Variants in TBCK observed in about 807,000 individuals in gnomAD.
TBCK encodes the protein TBC domain-containing protein kinase-like protein.
A neutral mutation model predicts 113.4 loss-of-function variants in TBCK; 99 were observed. The ratio of observed to expected loss-of-function variants is 0.87; its 90% CI spans 0.74 to 1.03. TBCK has a LOEUF of 1.03. Ranked by LOEUF, TBCK falls within the 50% of genes least tolerant of loss-of-function variation. The probability of loss-of-function intolerance (pLI) is 0.00; values close to 1 mark genes in which losing one functional copy is unlikely to be tolerated. For missense variants in TBCK, 1,045 were observed against 1,061.3 expected (o/e 0.98, Z 0.21); for synonymous variants, 369 against 370.8 (o/e 1.00, Z 0.05).
At chr4:106,074,243 G>A (rs527476383) in intron 25 of TBCK, among the ~76,000 whole-genome samples, 6 of 152,200 alleles carry the variant, frequency 3.9e-5, no homozygotes, top group Admixed American at 3.9e-4. Flanking sequence ...AGCCATCTTG[G>A]AACAGACCTC....
intron 22 of TBCK, among the ~76,000 whole-genome samples, chr4:106,175,001 C>A (rs1196985880): frequency 3.3e-5 from 5 of 151,818 alleles, no homozygotes; most frequent in African/African-American, 1.2e-4. Context: ...GTGGAGTGCA[C>A]CTGTAACCCC....
rs571819506 is a variant in TBCK at position 106,231,685 on chromosome 4, A to G, written c.1690+44T>C. 10 of 1,542,710 alleles carry G rather than the reference A, an allele frequency of 6.5e-6. No homozygotes were observed. In the South Asian group the frequency reaches 1.2e-4, roughly 18 times the overall value. ...CTTTCATGTGTGAATCAAATATTTT[A>G]GAATATTATGCGCAATGATTATTTA... On this transcript the variant is annotated intron_variant, in intron 18 of 25. Transcript: ENST00000394708.
chr4:106,273,971 C>T (rs981051703), intron 3 of TBCK, among the ~76,000 whole-genome samples: 1 of 152,230 alleles, frequency 6.6e-6, no homozygotes, highest in Non-Finnish European at 1.5e-5. Context: ...AAGCTAGAGG[C>T]TTTCAAGTGT....
At chr4:106,206,357 T>C (rs1438988950) in intron 20 of TBCK, among the ~76,000 whole-genome samples, 1 of 152,234 alleles carries the variant, frequency 6.6e-6, no homozygotes. Flanking sequence ...ATACTATTAA[T>C]AGCCACTTTG....
intron 24 of TBCK, among the ~76,000 whole-genome samples, chr4:106,105,046 A>G (rs1213625537): frequency 6.6e-6 from 1 of 152,244 alleles, no homozygotes. Context: ...CCCAGAGCCT[A>G]CAGGGGCAAA....
intron 2 of TBCK, among the ~76,000 whole-genome samples, chr4:106,306,681 A>G (rs1425539670): frequency 6.6e-6 from 1 of 152,156 alleles, no homozygotes; most frequent in Non-Finnish European, 1.5e-5. Flanking sequence ...AGGTTCCTAA[A>G]TAAATCTTCA....
rs536969885 is a variant in TBCK, at chr4:106,309,305, C to CTTT, written c.-29-319_-29-317dup. On this transcript the variant is annotated intron_variant, in intron 1 of 25. Transcript: ENST00000394708. ...TTCATATTATTAATAAGGCTCTTCT[C>CTTT]TTTTTTTTTTTTTTTTTTTTTTTTT... Among the ~76,000 whole-genome samples, 64 of 103,164 alleles carry CTTT rather than the reference C, an allele frequency of 6.2e-4. 1 individual carries two copies. Among genetic ancestry groups the CTTT allele is most frequent in the East Asian group, 1.3e-3 (4 of 3,050 alleles). 67.7% of individuals were successfully genotyped at this position (103,164 alleles called of 152,430 possible).
intron 3 of TBCK, among the ~76,000 whole-genome samples, chr4:106,277,278 G>A (rs1764134683): frequency 6.6e-6 from 1 of 152,016 alleles, no homozygotes; most frequent in African/African-American, 2.4e-5. Flanking sequence ...GTCTAATGGT[G>A]TTTCTATAAA....
chr4:106,203,524 T>C (rs575709358), intron 20 of TBCK, among the ~76,000 whole-genome samples: 14 of 151,884 alleles, frequency 9.2e-5, no homozygotes, highest in African/African-American at 2.4e-4. Flanking sequence ...TTATATCTTT[T>C]ACAGGTCATG....
intron 23 of TBCK, among the ~76,000 whole-genome samples, chr4:106,148,670 G>C (rs999667321): frequency 6.6e-6 from 1 of 152,162 alleles, no homozygotes; most frequent in Non-Finnish European, 1.5e-5. Context: ...CTGTAAACAG[G>C]TGTGCTGTCA....
chr4:106,230,665 C>T (rs1401943636), intron 18 of TBCK, among the ~76,000 whole-genome samples: 1 of 151,850 alleles, frequency 6.6e-6, no homozygotes, highest in Non-Finnish European at 1.5e-5. Flanking sequence ...TCTATAACTT[C>T]AATTTCAAAC....
At chr4:106,261,126 A>G (rs189336089) in intron 4 of TBCK, among the ~76,000 whole-genome samples, 47 of 152,234 alleles carry the variant, frequency 3.1e-4, no homozygotes, top group Non-Finnish European at 5.9e-4. Context: ...AAGGCTTTAA[A>G]ATATTAAGTT....
Position 106,248,251 on chromosome 4 carries a change from G to C in TBCK, c.776C>G (p.Ser259Cys). Residue 259 changes from serine (S) to cysteine (C), a missense_variant, in exon 9 of 26, where the codon TCT (serine) becomes TGT (cysteine). Physicochemically the swap from Ser to Cys is moderately radical, Grantham distance 112 (BLOSUM62 -1). Transcript: ENST00000394708. ...LLNKCLTFHP[S>C]KRPTPDQLMK... Reference sequence around the variant, plus strand: ...ATCTCTAAATAATATCAACCTCTTAGAAGGATGGAAGGTAAGGCACTTATT... The same window carrying C: ...ATCTCTAAATAATATCAACCTCTTACAAGGATGGAAGGTAAGGCACTTATT... The C allele has an allele frequency of 6.3e-7, 1 of 1,593,258 alleles. No individual in the cohort carries two copies. The highest frequency in any genetic ancestry group is 8.5e-7 in the Non-Finnish European group (1 of 1,169,866).
chr4:106,213,756 G>C (rs994427451), intron 19 of TBCK: 1 of 155,864 alleles, frequency 6.4e-6, no homozygotes, highest in Non-Finnish European at 1.4e-5. Context: ...ACAGCAGTCT[G>C]AGATCAAACT....
chr4:106,132,947 A>G (rs1276619372), intron 23 of TBCK, among the ~76,000 whole-genome samples: 1 of 152,212 alleles, frequency 6.6e-6, no homozygotes, highest in African/African-American at 2.4e-5. Context: ...GGAAATGACT[A>G]ACTTGCTTTT....
chr4:106,056,341 G>A lies in TBCK; in HGVS notation c.2572-9661C>T, dbSNP rs941062335. Among the ~76,000 whole-genome samples the A allele has an allele frequency of 4.7e-5, 7 of 149,008 alleles. No individual in the cohort carries two copies. In the South Asian group the frequency reaches 1.3e-3, roughly 27 times the overall value. ...ACTGGTATCGAACTCCTGGGATCAA[G>A]TGATCCTTCCTCCTTAGCCTCCCAT... On this transcript the variant is annotated intron_variant, in intron 25 of 25. Coordinates refer to ENST00000394708, the MANE Select transcript of TBCK (RefSeq NM_001163435.3).
At chr4:106,205,169 G>A (rs952243380) in intron 20 of TBCK, among the ~76,000 whole-genome samples, 1 of 152,188 alleles carries the variant, frequency 6.6e-6, no homozygotes, top group African/African-American at 2.4e-5. Flanking sequence ...ATCTGCCACT[G>A]TGAAATTGGT....
chr4:106,306,175 T>TCCTC (rs1263318028), intron 2 of TBCK, among the ~76,000 whole-genome samples: 1 of 150,172 alleles, frequency 6.7e-6, no homozygotes, highest in East Asian at 2.0e-4. Flanking sequence ...TCACAAATGA[T>TCCTC]CCTCCTGCCT....
intron 25 of TBCK, 22 bp downstream of exon 25, chr4:106,095,460 T>TATG: frequency 1.2e-6 from 2 of 1,607,908 alleles, no homozygotes; most frequent in Non-Finnish European, 1.7e-6. Context: ...TATGTACATA[T>TATG]GACATTTCTG....
Sources: gnomAD v4.1 joint callset for allele counts (sites outside exome capture counted in the v4.1 genomes callset) on GRCh38, gnomAD v4.1.1 for gene constraint, MANE v1.5 for transcripts, NCBI Gene and HGNC (gene_info 2026-07-23, HGNC 2026-07-21) for gene names.